NIBAN2: variants seen among roughly 807,000 people sequenced by gnomAD.
NIBAN2 encodes niban apoptosis regulator 2.
A neutral mutation model predicts 81.8 loss-of-function variants in NIBAN2; 36 were observed. That is an observed-to-expected ratio of 0.44 (90% confidence interval 0.34 to 0.58). The LOEUF (loss-of-function observed/expected upper bound fraction) is 0.58, where lower values mean the gene tolerates loss of function less well. Among genes scored for constraint, NIBAN2 ranks in the 20% least tolerant of loss-of-function variants. The pLI is 0.02. For missense variants in NIBAN2, 897 were observed against 1,014.1 expected (o/e 0.88, Z 1.57); for synonymous variants, 445 against 441.6 (o/e 1.01, Z -0.10).
At chr9:127,576,120 G>A (rs142384882) in intron 1 of NIBAN2, among the ~76,000 whole-genome samples, 365 of 152,300 alleles carry the variant, frequency 2.4e-3, no homozygotes, top group Non-Finnish European at 4.1e-3. Flanking sequence ...AGTCGCAATG[G>A]GAGCTTGAGG....
At chr9:127,542,182 GC>G (rs1489220268) in intron 1 of NIBAN2, among the ~76,000 whole-genome samples, 2 of 152,152 alleles carry the variant, frequency 1.3e-5, no homozygotes, top group Admixed American at 1.3e-4. Flanking sequence ...TCCTTACCAT[GC>G]CCGCAGGCCC....
At chr9:127,571,830 C>CA (rs564892616), upstream of NIBAN2, among the ~76,000 whole-genome samples, 11 of 150,220 alleles carry the variant, frequency 7.3e-5, no homozygotes, top group South Asian at 6.3e-4. Flanking sequence ...CATTTCACAC[C>CA]AAAAAAAAAC....
intron 1 of NIBAN2, among the ~76,000 whole-genome samples, chr9:127,556,181 CCAGTGAGTCACGCTTCGAGGAATA>C (rs1837665641): frequency 6.6e-6 from 1 of 152,234 alleles, no homozygotes; most frequent in African/African-American, 2.4e-5. Flanking sequence ...GGGCTCAAAG[CCAGTGAGTCACGCTTCGAGGAATA>C]CAGGCAGGAG....
chr9:127,561,597 G>A (rs1245405713), intron 1 of NIBAN2, among the ~76,000 whole-genome samples: 1 of 152,200 alleles, frequency 6.6e-6, no homozygotes, highest in Admixed American at 6.5e-5. Flanking sequence ...CAGTCTGACT[G>A]CAAAGCCTTA....
Position 127,525,018 on chromosome 9 carries a change from C to T in NIBAN2, c.421+40G>A, listed in dbSNP as rs752615630. On this transcript the variant is annotated intron_variant, in intron 4 of 13. Coordinates refer to ENST00000373312, the MANE Select transcript of NIBAN2 (RefSeq NM_022833.4). The stretch of plus-strand genomic sequence containing the variant: ...CCCTCCCCTGGCCAGCTCCAGATGC[C>T]TGTGCAGGGCATTGTGGCCTGGGAT... 5 of 1,510,360 alleles carry T rather than the reference C, an allele frequency of 3.3e-6. No homozygotes were observed. The South Asian group carries it at 5.6e-5, about 17-fold the overall frequency. 93.6% of individuals were successfully genotyped at this position (1,510,360 alleles called of 1,614,324 possible).
chr9:127,531,158 CA>C (rs1837171159), intron 2 of NIBAN2, among the ~76,000 whole-genome samples: 1 of 139,350 alleles, frequency 7.2e-6, no homozygotes, highest in African/African-American at 2.7e-5. Context: ...CCAGCCTGGG[CA>C]ACAGCAAGAC....
chr9:127,510,298 T>G lies in NIBAN2; in HGVS notation c.1009A>C (p.Asn337His), dbSNP rs1323478175. 5 of 1,613,608 alleles carry G rather than the reference T, an allele frequency of 3.1e-6. No homozygotes were observed. The African/African-American group carries it at 6.7e-5, about 22-fold the overall frequency. The change falls in exon 9 of 14, where the codon AAC becomes CAC. Residue 337 changes from asparagine (N) to histidine (H), a missense_variant. Physicochemically the swap from Asn to His is moderately conservative, Grantham distance 68. This residue lies in a region of NIBAN2 where 619 missense variants were observed against 691.0 expected (regional missense o/e 0.90). Transcript: ENST00000373312. ...ILPKAEVCVR[N>H]HVQPYIPSIL... ...GATGGGATGTAGGGCTGGACATGGT[T>G]CCGCACGCACACCTCTGCCTTGGGG...
chr9:127,563,626 G>A lies in NIBAN2; in HGVS notation c.55+5194C>T, dbSNP rs1306750743. 1.3e-5 allele frequency among the ~76,000 whole-genome samples: 2 copies of A among 151,898 alleles called. No homozygotes were observed. Among genetic ancestry groups the A allele is most frequent in the African/African-American group, 2.4e-5 (1 of 41,318 alleles). Reference sequence around the variant, plus strand: ...CAACCTCCACCTCCCGGGTTCAAGCGATTCTTGTGCCGCAGCCTCCCAAGT... The same window carrying A: ...CAACCTCCACCTCCCGGGTTCAAGCAATTCTTGTGCCGCAGCCTCCCAAGT... On this transcript the variant is annotated intron_variant, in intron 1 of 13. Transcript: ENST00000373312. The surrounding 1 kb of genome is among the most constrained non-coding windows in gnomAD (Gnocchi z 4.1).
intron 1 of NIBAN2, among the ~76,000 whole-genome samples, chr9:127,541,313 C>G (rs1837375170): frequency 6.6e-6 from 1 of 152,222 alleles, no homozygotes; most frequent in African/African-American, 2.4e-5. Flanking sequence ...CACACAATAG[C>G]AGCAGCCACT....
At chr9:127,569,253 A>G (rs1837916417), upstream of NIBAN2, among the ~76,000 whole-genome samples, 1 of 127,176 alleles carries the variant, frequency 7.9e-6, no homozygotes, top group Non-Finnish European at 1.7e-5. Context: ...CAGCCCCTCC[A>G]GGGCCCGCCC....
At chr9:127,555,492 C>A (rs1050725162) in intron 1 of NIBAN2, among the ~76,000 whole-genome samples, 1 of 152,236 alleles carries the variant, frequency 6.6e-6, no homozygotes, top group African/African-American at 2.4e-5. Context: ...CCATGGGGGG[C>A]CAGCGGCGGA....
At chr9:127,525,250 G>A (rs1026629657) in intron 3 of NIBAN2, 87 bp from the exon 4 acceptor site, 18 of 913,286 alleles carry the variant, frequency 2.0e-5, no homozygotes, top group African/African-American at 1.8e-4. Context: ...ACTCAGTGTG[G>A]CCCAAAGTGG....
At position 127,533,841 on chromosome 9, in the gene NIBAN2, A is replaced by G. The variant is rs1343808525; in HGVS notation, c.56-2063T>C. ...ATTTTATAATCATGATTCCTTTCAT[A>G]ATAAAAAATAAACATTCTAAAATTA... is the stretch of plus-strand genomic sequence containing the variant. On this transcript the variant is annotated intron_variant, in intron 1 of 13. Transcript: ENST00000373312. Among the ~76,000 whole-genome samples the G allele has an allele frequency of 3.3e-5, 5 of 152,246 alleles. No homozygotes were observed. In the East Asian group the frequency reaches 9.6e-4, roughly 29 times the overall value.
At chr9:127,532,074 G>T (rs1232581889) in intron 1 of NIBAN2, among the ~76,000 whole-genome samples, 1 of 152,152 alleles carries the variant, frequency 6.6e-6, no homozygotes, top group Admixed American at 6.5e-5. Context: ...ACACTGGTGG[G>T]GACATGCAAA....
chr9:127,552,120 G>A (rs1203941222), intron 1 of NIBAN2, among the ~76,000 whole-genome samples: 1 of 152,128 alleles, frequency 6.6e-6, no homozygotes, highest in African/African-American at 2.4e-5. Flanking sequence ...CCAGACAGGG[G>A]TCCCCAAGAG....
intron 1 of NIBAN2, among the ~76,000 whole-genome samples, chr9:127,557,253 G>A (rs1347355075): frequency 6.6e-6 from 1 of 152,178 alleles, no homozygotes; most frequent in Non-Finnish European, 1.5e-5. Flanking sequence ...GAGGGCACAG[G>A]ACAGCCTGGA....
chr9:127,532,417 G>A (rs957754598), intron 1 of NIBAN2, among the ~76,000 whole-genome samples: 7 of 151,900 alleles, frequency 4.6e-5, no homozygotes, highest in East Asian at 2.0e-4. Flanking sequence ...CCAACATGGC[G>A]AAATCCTGTC....
chr9:127,532,259 C>T (rs1165490535), intron 1 of NIBAN2, among the ~76,000 whole-genome samples: 1 of 152,192 alleles, frequency 6.6e-6, no homozygotes, highest in African/African-American at 2.4e-5. Context: ...TGAATGTGAT[C>T]TCTAGGGATG....
chr9:127,549,517 C>T (rs781160478), intron 1 of NIBAN2, among the ~76,000 whole-genome samples: 13 of 152,334 alleles, frequency 8.5e-5, no homozygotes, highest in East Asian at 3.9e-4. Context: ...CACACACATA[C>T]GCACACTTAC....
Sources: allele counts gnomAD v4.1 joint callset (sites outside exome capture counted in the v4.1 genomes callset), GRCh38; gene constraint gnomAD v4.1.1; regional missense constraint gnomAD v4.1.1; non-coding constraint Gnocchi (gnomAD v3.1); transcripts MANE v1.5; gene names NCBI Gene and HGNC (gene_info 2026-07-23, HGNC 2026-07-21).